ANKRD17: variants seen among roughly 807,000 people sequenced by gnomAD.
ANKRD17 encodes ankyrin repeat domain 17.
Under a neutral mutation model 229.7 loss-of-function variants are expected in ANKRD17, and 19 were observed. That is an observed-to-expected ratio of 0.08 (90% CI 0.06 to 0.12). The LOEUF is 0.12. Among genes scored for constraint, ANKRD17 ranks in the 10% least tolerant of loss-of-function variants. The pLI is 1.00. For synonymous variants in ANKRD17, 1,112 were observed against 1,146.1 expected (o/e 0.97, Z 0.60); for missense variants, 2,176 against 3,176.8 (o/e 0.68, Z 7.57).
chr4:73,185,876 A>T (rs1018042160), intron 1 of ANKRD17, among the ~76,000 whole-genome samples: 1 of 152,040 alleles, frequency 6.6e-6, no homozygotes, highest in African/African-American at 2.4e-5. Context: ...TACATATTTT[A>T]AAAACTGAAT....
intron 1 of ANKRD17, among the ~76,000 whole-genome samples, chr4:73,214,519 GACACAA>G (rs1190009024): frequency 6.6e-6 from 1 of 152,006 alleles, no homozygotes; most frequent in Non-Finnish European, 1.5e-5. Context: ...TTGCACTGAT[GACACAA>G]AAGCAATGGT....
At chr4:73,250,335 C>T (rs372908594) in intron 1 of ANKRD17, among the ~76,000 whole-genome samples, 5 of 152,070 alleles carry the variant, frequency 3.3e-5, no homozygotes, top group African/African-American at 1.2e-4. Context: ...CGCACAGTAG[C>T]TCACATCTGC....
chr4:73,249,605 C>T (rs1468527328), intron 1 of ANKRD17, among the ~76,000 whole-genome samples: 1 of 152,168 alleles, frequency 6.6e-6, no homozygotes, highest in African/African-American at 2.4e-5. Flanking sequence ...GCCTATAATC[C>T]CAGCACTTTG....
chr4:73,109,144 A>G (rs543016693), intron 24 of ANKRD17, among the ~76,000 whole-genome samples: 8 of 152,242 alleles, frequency 5.3e-5, no homozygotes, highest in Non-Finnish European at 1.2e-4. Flanking sequence ...TACCAAAAAT[A>G]CAAAAATTAG....
chr4:73,193,666 C>T (rs1199074580), intron 1 of ANKRD17, among the ~76,000 whole-genome samples: 1 of 152,140 alleles, frequency 6.6e-6, no homozygotes, highest in African/African-American at 2.4e-5. Flanking sequence ...GTCCCTGAGG[C>T]TCACATCTGC....
At chr4:73,177,674 A>G in intron 1 of ANKRD17, 141 bp from the exon 2 acceptor site, 1 of 601,212 alleles carries the variant, frequency 1.7e-6, no homozygotes, top group South Asian at 2.7e-5. Context: ...CAACCCTAAA[A>G]AGTTCAACAT....
intron 2 of ANKRD17, among the ~76,000 whole-genome samples, chr4:73,172,997 A>T (rs1467352120): frequency 6.6e-6 from 1 of 152,224 alleles, no homozygotes; most frequent in Admixed American, 6.5e-5. Flanking sequence ...TTAAAGGACT[A>T]CAACCAAAAC....
chr4:73,129,427 C>G (rs1037909834), intron 16 of ANKRD17, among the ~76,000 whole-genome samples: 1 of 152,080 alleles, frequency 6.6e-6, no homozygotes, highest in African/African-American at 2.4e-5. Context: ...TGTGAAGTGT[C>G]TTTAAAAAAG....
At chr4:73,191,361 G>GTGTGTT (rs1392869000) in intron 1 of ANKRD17, among the ~76,000 whole-genome samples, 1 of 150,428 alleles carries the variant, frequency 6.6e-6, no homozygotes. Flanking sequence ...GTGTGTGTGT[G>GTGTGTT]TGTGTGTGTG....
At chr4:73,165,614 T>C (rs1733128333) in intron 2 of ANKRD17, among the ~76,000 whole-genome samples, 3 of 152,168 alleles carry the variant, frequency 2.0e-5, no homozygotes, top group African/African-American at 7.2e-5. Flanking sequence ...TTTGACAGAT[T>C]TTACTCCCAA....
At chr4:73,216,499 A>G (rs770942818) in intron 1 of ANKRD17, among the ~76,000 whole-genome samples, 17 of 152,170 alleles carry the variant, frequency 1.1e-4, no homozygotes, top group Non-Finnish European at 2.4e-4. Flanking sequence ...GTGACAGCAT[A>G]AGGATAGAAG....
At chr4:73,160,310 C>T (rs1051399289) in intron 3 of ANKRD17, among the ~76,000 whole-genome samples, 7 of 150,198 alleles carry the variant, frequency 4.7e-5, no homozygotes, top group Non-Finnish European at 1.0e-4. Context: ...CCTCTGCCTC[C>T]CAGGTTCAAG....
chr4:73,242,189 GA>G (rs1355628799), intron 1 of ANKRD17, among the ~76,000 whole-genome samples: 4 of 151,924 alleles, frequency 2.6e-5, no homozygotes, highest in Non-Finnish European at 5.9e-5. Context: ...GGAAATGAGA[GA>G]AAAAATAATT....
chr4:73,130,944 G>A (rs1426465622), intron 16 of ANKRD17, among the ~76,000 whole-genome samples: 1 of 152,016 alleles, frequency 6.6e-6, no homozygotes, highest in Non-Finnish European at 1.5e-5. Flanking sequence ...CCTCATTTCT[G>A]TATGTACAGA....
At chr4:73,123,711 T>G (rs561178582) in intron 18 of ANKRD17, among the ~76,000 whole-genome samples, 1 of 152,198 alleles carries the variant, frequency 6.6e-6, no homozygotes, top group East Asian at 1.9e-4. Context: ...TTATTATATC[T>G]ATTAAAATTG....
At chr4:73,161,809 G>A (rs1042554087) in intron 2 of ANKRD17, among the ~76,000 whole-genome samples, 1 of 152,100 alleles carries the variant, frequency 6.6e-6, no homozygotes, top group African/African-American at 2.4e-5. Flanking sequence ...ACTCATTGAC[G>A]CCAGTAGTGC....
intron 2 of ANKRD17, among the ~76,000 whole-genome samples, chr4:73,169,869 G>C (rs1257600572): frequency 1.3e-5 from 2 of 152,188 alleles, no homozygotes; most frequent in Non-Finnish European, 2.9e-5. Flanking sequence ...CTCGTGGAGG[G>C]AGCTTTTGGA....
At chr4:73,228,360 T>C (rs1742711412) in intron 1 of ANKRD17, among the ~76,000 whole-genome samples, 1 of 152,208 alleles carries the variant, frequency 6.6e-6, no homozygotes, top group Non-Finnish European at 1.5e-5. Flanking sequence ...GATATATGTC[T>C]AATGTAGCAC....
intron 1 of ANKRD17, among the ~76,000 whole-genome samples, chr4:73,203,146 C>T (rs1177165687): frequency 6.6e-6 from 1 of 152,132 alleles, no homozygotes; most frequent in East Asian, 1.9e-4. Context: ...TTGGTTAGAT[C>T]TTGATGTTTC....
Sources: gnomAD v4.1 joint callset for allele counts (sites outside exome capture counted in the v4.1 genomes callset) on GRCh38, gnomAD v4.1.1 for gene constraint, MANE v1.5 for transcripts, NCBI Gene and HGNC (gene_info 2026-07-23, HGNC 2026-07-21) for gene names.